The following ADGRG7 variants were observed in gnomAD, a reference collection of about 807,000 sequenced individuals.
ADGRG7 encodes adhesion G protein-coupled receptor G7, also known as G-protein coupled receptor 128.
ADGRG7 carries 82 observed loss-of-function variants against 88.6 expected under a neutral mutation model. The observed-to-expected ratio is 0.93, with a 90% CI of 0.77 to 1.11. The LOEUF (loss-of-function observed/expected upper bound fraction) is 1.11, where lower values mean the gene tolerates loss of function less well. Among genes scored for constraint, ADGRG7 ranks in the 50% most tolerant of loss-of-function variants. The pLI is 0.00. For missense variants in ADGRG7, 945 were observed against 953.4 expected (o/e 0.99, Z 0.12); for synonymous variants, 381 against 345.2 (o/e 1.10, Z -1.15).
intron 14 of ADGRG7, among the ~76,000 whole-genome samples, chr3:100,668,033 G>A (rs1261495366): frequency 6.6e-6 from 1 of 152,176 alleles, no homozygotes; most frequent in Non-Finnish European, 1.5e-5. Flanking sequence ...CTTGGGTAGG[G>A]GAGAAAATTC....
intron 1 of ADGRG7, among the ~76,000 whole-genome samples, chr3:100,626,354 T>C (rs1707380564): frequency 6.6e-6 from 1 of 152,232 alleles, no homozygotes; most frequent in South Asian, 2.1e-4. Context: ...ATATTTTAAA[T>C]CCGCTTGTTA....
chr3:100,665,172 T>G, intron 14 of ADGRG7: 1 of 539,374 alleles, frequency 1.9e-6, no homozygotes. Flanking sequence ...CCAGCATATA[T>G]CATTTGTTGT....
rs550252847 is a variant in ADGRG7, at chr3:100,693,396, C to T, written c.2137-1348C>T. Among the ~76,000 whole-genome samples, 33 of 152,278 alleles carry T rather than the reference C, an allele frequency of 2.2e-4. No homozygotes were observed. In the South Asian group the frequency reaches 6.4e-3, roughly 30 times the overall value. ...CTTCTGAAACCTGTGTCTCCAAGCA[C>T]ACACTGTCATAGGGCCTTTCTTCTG... On this transcript the variant is annotated intron_variant, in intron 15 of 15. Coordinates refer to ENST00000273352, the MANE Select transcript of ADGRG7 (RefSeq NM_032787.3).
At chr3:100,672,131 A>G (rs929989920) in intron 15 of ADGRG7, among the ~76,000 whole-genome samples, 3 of 152,204 alleles carry the variant, frequency 2.0e-5, no homozygotes, top group African/African-American at 7.2e-5. Context: ...TATTGAATCT[A>G]TAAATTACTT....
chr3:100,688,808 A>G lies in ADGRG7; in HGVS notation c.2137-5936A>G, dbSNP rs562207216. 4.1e-3 allele frequency among the ~76,000 whole-genome samples: 620 copies of G among 152,264 alleles called. 2 individuals are homozygous for G. Among genetic ancestry groups the G allele is most frequent in the Non-Finnish European group, 7.8e-3 (529 of 68,010 alleles). On this transcript the variant is annotated intron_variant, in intron 15 of 15. Coordinates refer to ENST00000273352, the MANE Select transcript of ADGRG7 (RefSeq NM_032787.3). Reference sequence around the variant, plus strand: ...AGCTTTACTTCCAACTATGTGGTCAATTTTGGAATAGGTGTGGTGTGGTGC... The same window carrying G: ...AGCTTTACTTCCAACTATGTGGTCAGTTTTGGAATAGGTGTGGTGTGGTGC...
Position 100,693,606 on chromosome 3 carries a change from A to G in ADGRG7, c.2137-1138A>G, listed in dbSNP as rs566223170. 2.0e-5 allele frequency among the ~76,000 whole-genome samples: 3 copies of G among 152,308 alleles called. No homozygotes were observed. In the South Asian group the frequency reaches 6.2e-4, roughly 32 times the overall value. On this transcript the variant is annotated intron_variant, in intron 15 of 15. Transcript: ENST00000273352. ...TGATTCCAAAAATAAACTCTTAAAA[A>G]GGTTGGGGCCCTATAGATGCTAATG...
At chr3:100,612,373 A>G (rs1297608610) in intron 1 of ADGRG7, among the ~76,000 whole-genome samples, 5 of 152,222 alleles carry the variant, frequency 3.3e-5, no homozygotes, top group Admixed American at 2.0e-4. Context: ...TCTAGGTACT[A>G]TGCTAAAAAC....
intron 1 of ADGRG7, among the ~76,000 whole-genome samples, chr3:100,615,644 CAGA>C (rs1013533192): frequency 2.0e-4 from 31 of 152,290 alleles, no homozygotes; most frequent in African/African-American, 7.5e-4. Context: ...AGCAAAAAGA[CAGA>C]AGGAGTAGAC....
chr3:100,659,711 C>A lies in ADGRG7; in HGVS notation c.1847C>A (p.Pro616His). Residue 616 changes from proline (P) to histidine (H), a missense_variant, in exon 14 of 16, where the codon CCC (proline) becomes CAC (histidine). Coordinates refer to ENST00000273352, the MANE Select transcript of ADGRG7 (RefSeq NM_032787.3). ...EKICWLAIPE[P>H]NGVIKSPLLW... ...AGCTGCTGGCTGGCAATTCCAGAAC[C>A]CAATGGTGTTATAAAAAGTCCGCTG... The A allele has an allele frequency of 1.2e-6, 2 of 1,613,842 alleles. No homozygotes were observed. The highest frequency in any genetic ancestry group is 1.7e-6 in the Non-Finnish European group (2 of 1,179,908).
chr3:100,616,235 G>A (rs1462082135), intron 1 of ADGRG7, among the ~76,000 whole-genome samples: 2 of 152,038 alleles, frequency 1.3e-5, no homozygotes, highest in Non-Finnish European at 2.9e-5. Context: ...AGACAAAGAT[G>A]AGTTTACAAT....
Position 100,630,812 on chromosome 3 carries a change from A to T in ADGRG7, c.334+3A>T. On this transcript the variant is annotated splice_donor_region_variant and intron_variant, in intron 3 of 15. Coordinates refer to ENST00000273352, the MANE Select transcript of ADGRG7 (RefSeq NM_032787.3). ...ATGTGGCAAGGATACTCCAAATGGT[A>T]TGTGTTTTCCCAAACATTTACTCTA... 7.0e-7 allele frequency: 1 copy of T among 1,434,254 alleles called. No homozygotes were observed. The highest frequency in any genetic ancestry group is 9.3e-7 in the Non-Finnish European group (1 of 1,077,174). The allele number at this position is 1,434,254 out of a possible 1,614,324, so 88.8% of individuals were successfully genotyped here. A position where few individuals can be genotyped will look rare whatever the true frequency, so the allele number is the denominator to read the frequency against.
At chr3:100,657,553 G>T (rs532539428) in intron 13 of ADGRG7, among the ~76,000 whole-genome samples, 1 of 152,144 alleles carries the variant, frequency 6.6e-6, no homozygotes, top group African/African-American at 2.4e-5. Context: ...AAAGGGTTGA[G>T]GTTAACATGG....
chr3:100,682,827 G>A (rs1470926236), intron 15 of ADGRG7, among the ~76,000 whole-genome samples: 1 of 152,194 alleles, frequency 6.6e-6, no homozygotes, highest in Non-Finnish European at 1.5e-5. Flanking sequence ...TTGGCCGGGT[G>A]GGAGCTCCCT....
At chr3:100,618,542 T>C (rs1707259810) in intron 1 of ADGRG7, among the ~76,000 whole-genome samples, 1 of 152,206 alleles carries the variant, frequency 6.6e-6, no homozygotes, top group Non-Finnish European at 1.5e-5. Flanking sequence ...TGAGGCATCA[T>C]TTCTGAGGGC....
At chr3:100,610,755 G>T (rs911983283) in intron 1 of ADGRG7, among the ~76,000 whole-genome samples, 1 of 152,166 alleles carries the variant, frequency 6.6e-6, no homozygotes, top group African/African-American at 2.4e-5. Context: ...ACTCCCTTTC[G>T]TGAAAATCAG....
At position 100,630,829 on chromosome 3, in the gene ADGRG7, T is replaced by A. The variant is rs747431853; in HGVS notation, c.334+20T>A. On this transcript the variant is annotated intron_variant, in intron 3 of 15. Transcript: ENST00000273352. ...CAAATGGTATGTGTTTTCCCAAACA[T>A]TTACTCTATGCATAAGAATTACTAT... 7 of 1,296,670 alleles carry A rather than the reference T, an allele frequency of 5.4e-6. No homozygotes were observed. Among genetic ancestry groups the A allele is most frequent in the African/African-American group, 1.5e-5 (1 of 64,632 alleles). The allele number at this position is 1,296,670 out of a possible 1,614,324, so 80.3% of individuals were successfully genotyped here. A position where few individuals can be genotyped will look rare whatever the true frequency, so the allele number is the denominator to read the frequency against.
chr3:100,616,461 T>C (rs1470904051), intron 1 of ADGRG7, among the ~76,000 whole-genome samples: 2 of 152,100 alleles, frequency 1.3e-5, no homozygotes, highest in African/African-American at 4.8e-5. Context: ...ATAATACTTT[T>C]AAAATAGAAA....
intron 10 of ADGRG7, among the ~76,000 whole-genome samples, chr3:100,647,793 A>T (rs542376620): frequency 1.9e-4 from 29 of 152,310 alleles, no homozygotes; most frequent in South Asian, 1.7e-3. Context: ...TCTCCTTAGT[A>T]AGGGACTATT....
intron 15 of ADGRG7, among the ~76,000 whole-genome samples, chr3:100,686,202 G>T (rs1475652230): frequency 6.6e-6 from 1 of 151,372 alleles, no homozygotes; most frequent in Non-Finnish European, 1.5e-5. Context: ...CATATCCTTT[G>T]CCCACTTTTT....
Sources: allele counts gnomAD v4.1 joint callset (sites outside exome capture counted in the v4.1 genomes callset), GRCh38; gene constraint gnomAD v4.1.1; transcripts MANE v1.5; gene names NCBI Gene and HGNC (gene_info 2026-07-23, HGNC 2026-07-21).